Variants in MYLK observed in about 807,000 individuals in gnomAD.
MYLK encodes myosin light chain kinase, smooth muscle.
In MYLK, 106 loss-of-function variants were observed where a neutral mutation model predicts 203.4. The ratio of observed to expected loss-of-function variants is 0.52; its 90% CI spans 0.45 to 0.61. MYLK has a LOEUF of 0.61. Ranked by LOEUF, MYLK falls within the 20% of genes least tolerant of loss-of-function variation. The pLI, the probability that MYLK is intolerant of heterozygous loss-of-function variation, is 0.00. For synonymous variants in MYLK, 867 were observed against 959.5 expected (o/e 0.90, Z 1.78); for missense variants, 2,072 against 2,442.3 (o/e 0.85, Z 3.20).
chr3:123,625,037 C>T (rs1469455103), intron 31 of MYLK: 1 of 152,242 alleles, frequency 6.6e-6, no homozygotes, highest in Admixed American at 6.5e-5. Flanking sequence ...CCCTGGGTCC[C>T]TTGAGTATCC....
intron 28 of MYLK, chr3:123,638,987 A>G (rs2058739734): frequency 1.0e-6 from 1 of 985,314 alleles, no homozygotes; most frequent in African/African-American, 1.7e-5. Flanking sequence ...GCTCTGCTCC[A>G]ATTCCTGCCT....
chr3:123,657,457 A>G, intron 23 of MYLK, 29 bp from the exon 24 acceptor site: 1 of 1,610,506 alleles, frequency 6.2e-7, no homozygotes. Context: ...AACATCACCC[A>G]CACTTTCCAG....
chr3:123,759,240 C>G (rs571119303), intron 4 of MYLK, among the ~76,000 whole-genome samples: 17 of 152,242 alleles, frequency 1.1e-4, no homozygotes, highest in Middle Eastern at 3.4e-3. Flanking sequence ...ACTCCCAGCC[C>G]TTCTGGGATA....
At chr3:123,664,353 C>A (rs777446243) in intron 22 of MYLK, 95 bp from the exon 23 acceptor site, 5 of 1,556,542 alleles carry the variant, frequency 3.2e-6, no homozygotes, top group Admixed American at 1.7e-5. Flanking sequence ...CTGAAGGATG[C>A]AGCTGGACAA....
At chr3:123,738,156 C>T (rs145918094) in intron 7 of MYLK, among the ~76,000 whole-genome samples, 9 of 152,082 alleles carry the variant, frequency 5.9e-5, no homozygotes, top group East Asian at 1.9e-4. Flanking sequence ...TCTATCTCAC[C>T]GATAAGGAAA....
At chr3:123,628,641 C>T (rs1325691430) in intron 30 of MYLK, among the ~76,000 whole-genome samples, 16 of 152,194 alleles carry the variant, frequency 1.1e-4, no homozygotes, top group Non-Finnish European at 5.9e-5. Flanking sequence ...TCTCCCTACA[C>T]ATGCAGAGCC....
At chr3:123,769,041 G>A (rs923219383) in intron 4 of MYLK, among the ~76,000 whole-genome samples, 1 of 152,172 alleles carries the variant, frequency 6.6e-6, no homozygotes, top group Non-Finnish European at 1.5e-5. Context: ...AAAAACGAGT[G>A]CATGTTGATC....
rs913393807 is a variant in MYLK, at chr3:123,764,548, A to G, written c.166-12010T>C. On this transcript the variant is annotated intron_variant, in intron 4 of 33. Transcript: ENST00000360304. ...GAGGGAAGACCATCGCAGGGTGGGAAGGTAAGTTGGTTATTTTCCACATGC... is the reference window on the plus strand; with the variant it reads ...GAGGGAAGACCATCGCAGGGTGGGAGGGTAAGTTGGTTATTTTCCACATGC... 3.3e-5 allele frequency among the ~76,000 whole-genome samples: 5 copies of G among 152,138 alleles called. No homozygotes were observed. The South Asian group carries it at 1.0e-3, about 32-fold the overall frequency.
intron 31 of MYLK, among the ~76,000 whole-genome samples, chr3:123,626,447 A>T (rs1023132733): frequency 6.6e-6 from 1 of 152,248 alleles, no homozygotes; most frequent in Non-Finnish European, 1.5e-5. Flanking sequence ...ATGTGAAACC[A>T]CCATACTACC....
intron 2 of MYLK, among the ~76,000 whole-genome samples, chr3:123,844,698 CAG>C (rs2066670018): frequency 6.6e-6 from 1 of 152,036 alleles, no homozygotes; most frequent in Admixed American, 6.6e-5. Context: ...CAGAAGCAGA[CAG>C]TGTCTAATCT....
At chr3:123,697,701 T>C (rs1257163697) in intron 18 of MYLK, among the ~76,000 whole-genome samples, 1 of 152,216 alleles carries the variant, frequency 6.6e-6, no homozygotes, top group Non-Finnish European at 1.5e-5. Flanking sequence ...TAAGATAGTG[T>C]CTAACACATA....
chr3:123,615,007 G>T (rs926808244), intron 33 of MYLK, among the ~76,000 whole-genome samples: 1 of 151,672 alleles, frequency 6.6e-6, no homozygotes, highest in Non-Finnish European at 1.5e-5. Context: ...TAAAGACAGG[G>T]TCTCCCTATG....
At chr3:123,663,660 A>C (rs759221248) in intron 23 of MYLK, among the ~76,000 whole-genome samples, 10 of 152,146 alleles carry the variant, frequency 6.6e-5, no homozygotes, top group Non-Finnish European at 1.3e-4. Context: ...GCACAGGAGA[A>C]GGGAGCAGCC....
At chr3:123,787,857 G>C (rs1170162929) in intron 4 of MYLK, among the ~76,000 whole-genome samples, 1 of 152,146 alleles carries the variant, frequency 6.6e-6, no homozygotes, top group Admixed American at 6.5e-5. Flanking sequence ...GATAAAATAT[G>C]CTTCTTGTTT....
At chr3:123,815,647 A>T (rs531651750) in intron 3 of MYLK, among the ~76,000 whole-genome samples, 1 of 152,208 alleles carries the variant, frequency 6.6e-6, no homozygotes, top group East Asian at 1.9e-4. Flanking sequence ...TATCTATGAC[A>T]TGGGTCCACA....
intron 2 of MYLK, among the ~76,000 whole-genome samples, chr3:123,845,788 G>C (rs2148657175): frequency 6.6e-6 from 1 of 152,252 alleles, no homozygotes; most frequent in South Asian, 2.1e-4. Flanking sequence ...CAAATAGCTA[G>C]GACTACAGCT....
chr3:123,687,001 C>T (rs896974461), intron 19 of MYLK, among the ~76,000 whole-genome samples: 17 of 152,250 alleles, frequency 1.1e-4, no homozygotes, highest in Admixed American at 3.3e-4. Flanking sequence ...GCGGGTGGAT[C>T]ACCTGAGGTC....
intron 3 of MYLK, among the ~76,000 whole-genome samples, chr3:123,800,994 A>G (rs184133282): frequency 1.4e-4 from 21 of 152,386 alleles, no homozygotes; most frequent in Admixed American, 1.1e-3. Context: ...CAATAAGCCC[A>G]TTATAGGCTA....
At chr3:123,651,581 A>T (rs2059212629) in intron 24 of MYLK, among the ~76,000 whole-genome samples, 1 of 152,008 alleles carries the variant, frequency 6.6e-6, no homozygotes, top group African/African-American at 2.4e-5. Context: ...TGGCATGGAG[A>T]CCAGTGTATT....
Sources: gnomAD v4.1 joint callset for allele counts (sites outside exome capture counted in the v4.1 genomes callset) on GRCh38, gnomAD v4.1.1 for gene constraint, MANE v1.5 for transcripts, NCBI Gene and HGNC (gene_info 2026-07-23, HGNC 2026-07-21) for gene names.